The following SPMAP2L variants were observed in gnomAD, a reference collection of about 807,000 sequenced individuals.
SPMAP2L encodes the protein sperm microtubule associated protein 2-like.
the SPMAP2L span, among the ~76,000 whole-genome samples, chr4:56,590,136 T>C: frequency 4.6e-5 from 7 of 152,190 alleles, no homozygotes; most frequent in African/African-American, 1.7e-4. Flanking sequence ...CAGTATTATG[T>C]TGGCTGTGAG....
the SPMAP2L span, among the ~76,000 whole-genome samples, chr4:56,596,337 A>G: frequency 2.0e-5 from 3 of 152,218 alleles, no homozygotes; most frequent in Admixed American, 6.5e-5. Context: ...AAAGATAGAA[A>G]TTGATCCTTT....
At chr4:56,601,079 G>T in the SPMAP2L span, 4 of 1,534,934 alleles carry the variant, frequency 2.6e-6, no homozygotes, top group South Asian at 4.8e-5. Context: ...GCATCACCTA[G>T]GATTCAGGAA....
At chr4:56,586,797 G>A in the SPMAP2L span, among the ~76,000 whole-genome samples, 1 of 152,062 alleles carries the variant, frequency 6.6e-6, no homozygotes, top group South Asian at 2.1e-4. Context: ...TAACATTACA[G>A]CAGTCATACT....
chr4:56,621,969 C>T, the SPMAP2L span, among the ~76,000 whole-genome samples: 4,784 of 152,128 alleles, frequency 0.031, 154 homozygotes, highest in African/African-American at 0.081. Context: ...AACGAGTGGA[C>T]CCTAATGTAA....
chr4:56,564,295 T>C, the SPMAP2L span, among the ~76,000 whole-genome samples: 1 of 151,894 alleles, frequency 6.6e-6, no homozygotes, highest in Admixed American at 6.6e-5. Context: ...CGCACCACCA[T>C]GCCTAGCTAA....
At chr4:56,558,005 G>A in the SPMAP2L span, 3 of 150,318 alleles carry the variant, frequency 2.0e-5, no homozygotes, top group African/African-American at 7.4e-5. Context: ...GTTTCCTTTT[G>A]TCGCCCAGGC....
At chr4:56,587,405 G>T in the SPMAP2L span, among the ~76,000 whole-genome samples, 2 of 151,754 alleles carry the variant, frequency 1.3e-5, no homozygotes, top group Middle Eastern at 3.2e-3. Context: ...TGAGATTTTG[G>T]TGCACCCATC....
chr4:56,618,103 A>T, the SPMAP2L span, among the ~76,000 whole-genome samples: 1 of 152,136 alleles, frequency 6.6e-6, no homozygotes, highest in Non-Finnish European at 1.5e-5. Context: ...GGGAAGGCAG[A>T]TGTGCCTGTC....
chr4:56,617,579 G>A, the SPMAP2L span, among the ~76,000 whole-genome samples: 1 of 152,158 alleles, frequency 6.6e-6, no homozygotes, highest in African/African-American at 2.4e-5. Context: ...TGACCCCACG[G>A]CAGTGTCTAG....
the SPMAP2L span, among the ~76,000 whole-genome samples, chr4:56,554,049 A>G: frequency 1.3e-5 from 2 of 150,600 alleles, no homozygotes; most frequent in Non-Finnish European, 3.0e-5. Context: ...TATTCTATTG[A>G]TGTGGGTACT....
At chr4:56,591,807 C>T in the SPMAP2L span, among the ~76,000 whole-genome samples, 1,126 of 152,258 alleles carry the variant, frequency 7.4e-3, 17 homozygotes, top group African/African-American at 0.026. Flanking sequence ...AGTGGGGAGA[C>T]GTATGGTTCT....
chr4:56,570,868 A>G, the SPMAP2L span, among the ~76,000 whole-genome samples: 10 of 152,042 alleles, frequency 6.6e-5, no homozygotes, highest in African/African-American at 2.4e-4. Context: ...CAGTGGTGCA[A>G]TCTTGGCTCA....
the SPMAP2L span, among the ~76,000 whole-genome samples, chr4:56,589,705 TTTG>T: frequency 0.048 from 7,228 of 151,800 alleles, 273 homozygotes; most frequent in East Asian, 0.21. Flanking sequence ...GTTTTGGGTT[TTTG>T]TTGTTGTTGT....
chr4:56,594,078 A>G, the SPMAP2L span: 1 of 1,608,982 alleles, frequency 6.2e-7, no homozygotes, highest in South Asian at 1.1e-5. Flanking sequence ...TCTCTTGATG[A>G]AACAGTCAAT....
the SPMAP2L span, among the ~76,000 whole-genome samples, chr4:56,595,876 A>G: frequency 6.6e-6 from 1 of 152,188 alleles, no homozygotes; most frequent in East Asian, 1.9e-4. Flanking sequence ...TAAATACAGT[A>G]CCTGGAGGGA....
chr4:56,610,045 T>C, the SPMAP2L span, among the ~76,000 whole-genome samples: 2 of 152,280 alleles, frequency 1.3e-5, no homozygotes, highest in East Asian at 3.9e-4. Context: ...TCTACAGATT[T>C]AATGCAATTC....
the SPMAP2L span, among the ~76,000 whole-genome samples, chr4:56,617,162 C>T: frequency 6.6e-6 from 1 of 152,178 alleles, no homozygotes; most frequent in Non-Finnish European, 1.5e-5. Flanking sequence ...CTAGGTGGTA[C>T]AGCCTGTTGC....
chr4:56,582,569 G>A, the SPMAP2L span, among the ~76,000 whole-genome samples: 1 of 152,104 alleles, frequency 6.6e-6, no homozygotes, highest in Non-Finnish European at 1.5e-5. Context: ...AAAAAAACAG[G>A]TTGTTGAGGA....
the SPMAP2L span, among the ~76,000 whole-genome samples, chr4:56,586,539 A>G: frequency 6.6e-6 from 1 of 152,130 alleles, no homozygotes. Flanking sequence ...TCAGAGGGAC[A>G]CAAACAGTCA....
Sources: allele counts gnomAD v4.1 joint callset (sites outside exome capture counted in the v4.1 genomes callset), GRCh38; gene constraint gnomAD v4.1.1; transcripts MANE v1.5; gene names NCBI Gene and HGNC (gene_info 2026-07-23, HGNC 2026-07-21).